Variants in ADORA1 observed in about 807,000 individuals in gnomAD.
The protein encoded by ADORA1 is adenosine receptor A1.
A neutral mutation model predicts 19.9 loss-of-function variants in ADORA1; 6 were observed. The observed-to-expected ratio is 0.30, with a 90% CI of 0.17 to 0.59. ADORA1 has a LOEUF of 0.59. Ranked by LOEUF, ADORA1 falls within the 20% of genes least tolerant of loss-of-function variation. ADORA1 has a pLI of 0.87. For missense variants in ADORA1, 302 were observed against 439.2 expected (o/e 0.69, Z 2.79); for synonymous variants, 194 against 188.4 (o/e 1.03, Z -0.24).
Position 203,127,734 on chromosome 1 carries a change from C to T in ADORA1, c.-407C>T, listed in dbSNP as rs1452391320. 1 of 152,308 alleles carries T rather than the reference C, an allele frequency of 6.6e-6. No individual in the cohort carries two copies. The highest frequency in any genetic ancestry group is 6.5e-5 in the Admixed American group (1 of 15,292). 9.4% of individuals were successfully genotyped at this position (152,308 alleles called of 1,614,324 possible). The stretch of plus-strand genomic sequence containing the variant: ...TGCGGAGCCCGATTGTCACTCAGCT[C>T]CTGCGCCGGGGGCGACAGAGCCGCA... On this transcript the variant is annotated 5_prime_UTR_variant, in exon 1 of 4. Transcript: ENST00000337894.
chr1:203,151,963 C>T (rs1434257162), intron 3 of ADORA1, among the ~76,000 whole-genome samples: 11 of 152,190 alleles, frequency 7.2e-5, no homozygotes, highest in Non-Finnish European at 1.5e-5. Flanking sequence ...ACCACTGCCC[C>T]TGGGCTCCTC....
At chr1:203,154,273 C>T (rs1032495947) in intron 3 of ADORA1, among the ~76,000 whole-genome samples, 2 of 152,182 alleles carry the variant, frequency 1.3e-5, no homozygotes, top group South Asian at 2.1e-4. Context: ...GTGGCTCACT[C>T]GTACCTATAC....
At position 203,165,529 on chromosome 1, in the gene ADORA1, T is replaced by G; in HGVS notation, c.610T>G (p.Phe204Val). The G allele has an allele frequency of 6.2e-7, 1 of 1,613,808 alleles. No individual in the cohort carries two copies. Among genetic ancestry groups the G allele is most frequent in the Non-Finnish European group, 8.5e-7 (1 of 1,179,786 alleles). The change falls in exon 4 of 4, where the codon TTC becomes GTC. Residue 204 changes from phenylalanine (F) to valine (V), a missense_variant. Phe to Val is a conservative substitution (Grantham distance 50). Coordinates refer to ENST00000337894, the MANE Select transcript of ADORA1 (RefSeq NM_000674.3). This position sits in a 1 kb window ranked among gnomAD's most constrained non-coding sequence, Gnocchi z 5.9. Reference sequence around the variant, plus strand: ...CATGGTCCTCATCTACCTGGAGGTCTTCTACCTAATCCGCAAGCAGCTCAA... The same window carrying G: ...CATGGTCCTCATCTACCTGGAGGTCGTCTACCTAATCCGCAAGCAGCTCAA... ...LLMVLIYLEV[F>V]YLIRKQLNKK...
At chr1:203,139,109 G>A (rs535778226) in intron 3 of ADORA1, among the ~76,000 whole-genome samples, 10 of 152,298 alleles carry the variant, frequency 6.6e-5, no homozygotes, top group African/African-American at 2.2e-4. Context: ...GTGAGCCACC[G>A]TGCCTGGCCC....
intron 3 of ADORA1, among the ~76,000 whole-genome samples, chr1:203,145,323 G>T (rs1347498038): frequency 1.3e-5 from 2 of 152,254 alleles, no homozygotes; most frequent in Non-Finnish European, 2.9e-5. Flanking sequence ...ACTTGGGGCT[G>T]GGAAACAGGA....
At chr1:203,149,274 C>T (rs563651092) in intron 3 of ADORA1, among the ~76,000 whole-genome samples, 4 of 152,306 alleles carry the variant, frequency 2.6e-5, no homozygotes, top group Non-Finnish European at 4.4e-5. Flanking sequence ...TTCTTCCTCC[C>T]CCACACACAT....
In ADORA1 at chr1:203,165,689, C is replaced by T. The variant is rs1655526492; in HGVS notation, c.770C>T (p.Thr257Ile). Residue 257 changes from threonine to isoleucine, a missense_variant, in exon 4 of 4, where the codon ACC (threonine) becomes ATC (isoleucine). By Grantham distance (89) the Thr-to-Ile change is moderately conservative (BLOSUM62 -1). Coordinates refer to ENST00000337894, the MANE Select transcript of ADORA1 (RefSeq NM_000674.3). The surrounding 1 kb of genome is among the most constrained non-coding windows in gnomAD (Gnocchi z 5.9). ...WLPLHILNCI[T>I]LFCPSCHKPS... ...CCTTTGCACATCCTCAACTGCATCA[C>T]CCTCTTCTGCCCGTCCTGCCACAAG... 5 of 1,610,840 alleles carry T rather than the reference C, an allele frequency of 3.1e-6. No homozygotes were observed. The highest frequency in any genetic ancestry group is 8.5e-7 in the Non-Finnish European group (1 of 1,177,994).
chr1:203,143,622 G>T (rs1654768205), intron 3 of ADORA1, among the ~76,000 whole-genome samples: 1 of 151,970 alleles, frequency 6.6e-6, no homozygotes, highest in Non-Finnish European at 1.5e-5. Context: ...AATATTCTTG[G>T]CTTCCAGACC....
chr1:203,130,129 G>A (rs1306360506), intron 3 of ADORA1, among the ~76,000 whole-genome samples: 1 of 152,178 alleles, frequency 6.6e-6, no homozygotes, highest in Non-Finnish European at 1.5e-5. Context: ...TTTTCTCCTG[G>A]GGAGCTCTGG....
intron 3 of ADORA1, among the ~76,000 whole-genome samples, chr1:203,129,409 T>G (rs1654262160): frequency 6.6e-6 from 1 of 152,162 alleles, no homozygotes; most frequent in Non-Finnish European, 1.5e-5. Flanking sequence ...CCAGTGCCCA[T>G]GACCTCAGAG....
chr1:203,166,627 T>C lies in ADORA1; in HGVS notation c.*727T>C, dbSNP rs921276220. ...TGGCTCCACGCCCTGGGGAGTGAGC[T>C]TGGTGCGGTAGGTGCTGGCCTCAAA... On this transcript the variant is annotated 3_prime_UTR_variant, in exon 4 of 4. Transcript: ENST00000337894. 12 of 152,650 alleles carry C rather than the reference T, an allele frequency of 7.9e-5. No individual in the cohort carries two copies. Among genetic ancestry groups the C allele is most frequent in the African/African-American group, 2.9e-4 (12 of 41,444 alleles). 9.5% of individuals were successfully genotyped at this position (152,650 alleles called of 1,614,324 possible).
chr1:203,165,176 GC>G lies in ADORA1; in HGVS notation c.342-81del. 6.3e-7 allele frequency: 1 copy of G among 1,596,396 alleles called. No homozygotes were observed. Among genetic ancestry groups the G allele is most frequent in the Non-Finnish European group, 8.5e-7 (1 of 1,172,256 alleles). ...GAAGAGGAGGGTGCTCCTCTTAGAG[GC>G]CCCTGGAGGCCAGGCGTGCCTCAGA... is the stretch of plus-strand genomic sequence containing the variant. On this transcript the variant is annotated intron_variant, in intron 3 of 3. Coordinates refer to ENST00000337894, the MANE Select transcript of ADORA1 (RefSeq NM_000674.3). The surrounding 1 kb of genome is among the most constrained non-coding windows in gnomAD (Gnocchi z 5.9).
chr1:203,141,274 G>A (rs965856068), intron 3 of ADORA1, among the ~76,000 whole-genome samples: 5 of 152,200 alleles, frequency 3.3e-5, no homozygotes, highest in African/African-American at 1.2e-4. Flanking sequence ...ATGTAGGAGA[G>A]AACACTTTGC....
intron 3 of ADORA1, among the ~76,000 whole-genome samples, chr1:203,153,670 G>C (rs1363545010): frequency 6.6e-6 from 1 of 152,130 alleles, no homozygotes; most frequent in Non-Finnish European, 1.5e-5. Flanking sequence ...ATTCAAGGCA[G>C]GATTCTTAGG....
chr1:203,167,030 G>A lies in ADORA1; in HGVS notation c.*1130G>A, dbSNP rs1655581856. The A allele has an allele frequency of 6.6e-6, 1 of 152,642 alleles. No homozygotes were observed. The highest frequency in any genetic ancestry group is 3.1e-3 in the Middle Eastern group (1 of 318). The allele number at this position is 152,642 out of a possible 1,614,324, so 9.5% of individuals were successfully genotyped here. On this transcript the variant is annotated 3_prime_UTR_variant, in exon 4 of 4. Transcript: ENST00000337894. Reference sequence around the variant, plus strand: ...GAATCCCTCAATACCCCTAGTATCTGGCTGGGTTTTCAGGGGCTTTGGAAG... The same window carrying A: ...GAATCCCTCAATACCCCTAGTATCTAGCTGGGTTTTCAGGGGCTTTGGAAG...
At chr1:203,156,945 A>C (rs1282153690) in intron 3 of ADORA1, among the ~76,000 whole-genome samples, 1 of 152,138 alleles carries the variant, frequency 6.6e-6, no homozygotes, top group Non-Finnish European at 1.5e-5. Flanking sequence ...TGACCTAATT[A>C]CCTCTTAAAG....
intron 3 of ADORA1, among the ~76,000 whole-genome samples, chr1:203,154,514 G>A (rs1186958821): frequency 6.6e-6 from 1 of 152,194 alleles, no homozygotes; most frequent in East Asian, 1.9e-4. Flanking sequence ...ACAAAGTGAG[G>A]AGGCGGTGAT....
intron 3 of ADORA1, among the ~76,000 whole-genome samples, chr1:203,158,513 G>T (rs1655263427): frequency 6.6e-6 from 1 of 152,156 alleles, no homozygotes; most frequent in South Asian, 2.1e-4. Flanking sequence ...GCTTTCACCA[G>T]AATTACCCTT....
At chr1:203,133,169 A>G (rs376690637) in intron 3 of ADORA1, among the ~76,000 whole-genome samples, 5 of 148,300 alleles carry the variant, frequency 3.4e-5, no homozygotes, top group African/African-American at 1.0e-4. Context: ...GCTGGAGTGC[A>G]GTGGCACAAT....
Sources: gnomAD v4.1 joint callset for allele counts (sites outside exome capture counted in the v4.1 genomes callset) on GRCh38, gnomAD v4.1.1 for gene constraint, Gnocchi (gnomAD v3.1) non-coding constraint, MANE v1.5 for transcripts, NCBI Gene and HGNC (gene_info 2026-07-23, HGNC 2026-07-21) for gene names.